The following KAZN variants were observed in gnomAD, a reference collection of about 807,000 sequenced individuals.
The protein encoded by KAZN is kazrin.
KAZN carries 40 observed loss-of-function variants against 87.4 expected under a neutral mutation model. That is an observed-to-expected ratio of 0.46 (90% CI 0.36 to 0.60). The LOEUF is 0.60. Ranked by LOEUF, KAZN falls within the 20% of genes least tolerant of loss-of-function variation. The pLI, the probability that KAZN is intolerant of heterozygous loss-of-function variation, is 0.00. For missense variants in KAZN, 898 were observed against 1,073.9 expected, an observed-to-expected ratio of 0.84 and a Z score of 2.29; for synonymous variants, 466 against 458.3, an observed-to-expected ratio of 1.02 and a Z score of -0.22.
intron 1 of KAZN, among the ~76,000 whole-genome samples, chr1:14,764,162 C>A (rs1341299881): frequency 1.3e-5 from 2 of 152,068 alleles, no homozygotes; most frequent in Admixed American, 6.6e-5. Context: ...CTGGGAAAGA[C>A]CGGCAGGAGG....
At chr1:14,624,540 T>A (rs960965636) in intron 1 of KAZN, among the ~76,000 whole-genome samples, 7 of 152,242 alleles carry the variant, frequency 4.6e-5, no homozygotes, top group African/African-American at 1.4e-4. Context: ...TGCAGAAATA[T>A]TTAGGTGTGT....
In KAZN at chr1:14,366,697, A is replaced by C. The variant is rs111981217; in HGVS notation, c.249+186105A>C. On this transcript the variant is annotated intron_variant, in intron 2 of 16. Coordinates refer to the KAZN transcript ENST00000636203. ...GTGCCCACCATCAATGAAGCCCCAG[A>C]AGGCATGTGTTACAGTGCTCTTTGA... Among the ~76,000 whole-genome samples the C allele has an allele frequency of 8.1e-3, 1,233 of 152,332 alleles. 17 individuals carry two copies. Among genetic ancestry groups the C allele is most frequent in the African/African-American group, 0.026 (1,100 of 41,578 alleles).
chr1:13,912,849 G>A (rs1453642953), intron 1 of KAZN, among the ~76,000 whole-genome samples: 1 of 152,092 alleles, frequency 6.6e-6, no homozygotes, highest in African/African-American at 2.4e-5. Context: ...ACCTACCTTG[G>A]CCTCCCAAAG....
chr1:14,827,679 C>T (rs929044811), intron 1 of KAZN, among the ~76,000 whole-genome samples: 15 of 152,194 alleles, frequency 9.9e-5, no homozygotes, highest in Non-Finnish European at 1.3e-4. Flanking sequence ...GGTAAGCAGC[C>T]GCCACTGGCC....
intron 1 of KAZN, among the ~76,000 whole-genome samples, chr1:14,870,261 C>G (rs1001323172): frequency 6.6e-6 from 1 of 152,190 alleles, no homozygotes; most frequent in African/African-American, 2.4e-5. Context: ...AAGGGTGAGT[C>G]CCAGCTCTGC....
rs575958840 is a variant in KAZN at position 15,082,780 on chromosome 1, C to T, written c.1223-11400C>T. Among the ~76,000 whole-genome samples the T allele has an allele frequency of 2.2e-4, 34 of 152,336 alleles. 1 individual carries two copies. In the South Asian group the frequency reaches 3.9e-3, roughly 18 times the overall value. On this transcript the variant is annotated intron_variant, in intron 8 of 14. Transcript: ENST00000376030. Reference sequence around the variant, plus strand: ...TGATCTCGACTCACTGCAACTTCCACCTCCCAGGTTCAAGCGATTCTCATG... The same window carrying T: ...TGATCTCGACTCACTGCAACTTCCATCTCCCAGGTTCAAGCGATTCTCATG...
chr1:14,068,799 C>CTT (rs5772562), intron 1 of KAZN, among the ~76,000 whole-genome samples: 9 of 136,782 alleles, frequency 6.6e-5, no homozygotes, highest in Non-Finnish European at 1.1e-4. Flanking sequence ...GTTGAGTTCT[C>CTT]TTTTTTTTTT....
chr1:14,272,655 A>G (rs185799692), intron 2 of KAZN, among the ~76,000 whole-genome samples: 120 of 152,042 alleles, frequency 7.9e-4, no homozygotes, highest in African/African-American at 2.8e-3. Context: ...TCAGGAGTTC[A>G]AGACCAGCCT....
At chr1:14,932,143 C>T (rs1179818191) in intron 1 of KAZN, among the ~76,000 whole-genome samples, 1 of 152,198 alleles carries the variant, frequency 6.6e-6, no homozygotes, top group Non-Finnish European at 1.5e-5. Flanking sequence ...AGGCGCTGGG[C>T]AGGGTGCTAA....
At chr1:15,097,377 T>C (rs112070469) in intron 10 of KAZN, among the ~76,000 whole-genome samples, 10 of 152,206 alleles carry the variant, frequency 6.6e-5, no homozygotes, top group Admixed American at 6.5e-4. Flanking sequence ...ATGGGCATGA[T>C]GGCGTCCTCT....
At chr1:14,464,486 A>G (rs1358063148) in intron 2 of KAZN, among the ~76,000 whole-genome samples, 1 of 152,048 alleles carries the variant, frequency 6.6e-6, no homozygotes, top group Non-Finnish European at 1.5e-5. Context: ...CTGCTTAGTT[A>G]GCACTTATTG....
At chr1:15,067,578 C>T (rs1013183004) in intron 8 of KAZN, 1 of 985,464 alleles carries the variant, frequency 1.0e-6, no homozygotes, top group Non-Finnish European at 1.2e-6. Context: ...CTAACGGTGA[C>T]ATTTTCAGCT....
intron 13 of KAZN, 61 bp downstream of exon 13, chr1:15,104,250 G>A: frequency 6.9e-7 from 1 of 1,452,180 alleles, no homozygotes; most frequent in East Asian, 2.5e-5. Flanking sequence ...TCAGGGCTTT[G>A]GAAGCAGATG....
At chr1:14,654,203 C>T (rs1232936489) in intron 1 of KAZN, among the ~76,000 whole-genome samples, 2 of 149,182 alleles carry the variant, frequency 1.3e-5, no homozygotes, top group East Asian at 4.0e-4. Flanking sequence ...AGAAAAATCG[C>T]TTGAATCCAG....
At chr1:14,198,756 A>G (rs1263880438) in intron 2 of KAZN, among the ~76,000 whole-genome samples, 1 of 152,226 alleles carries the variant, frequency 6.6e-6, no homozygotes, top group Non-Finnish European at 1.5e-5. Flanking sequence ...GCACTAGTAT[A>G]ACCACTGTAC....
chr1:14,762,146 G>A (rs1237502698), intron 1 of KAZN, among the ~76,000 whole-genome samples: 2 of 152,144 alleles, frequency 1.3e-5, no homozygotes, highest in African/African-American at 2.4e-5. Flanking sequence ...CTTTTATTAT[G>A]TCATACTTGA....
chr1:14,420,903 ACACCTCCCCT>A (rs1349223612), intron 2 of KAZN, among the ~76,000 whole-genome samples: 1,714 of 149,260 alleles, frequency 0.011, 22 homozygotes, highest in Non-Finnish European at 0.02. Flanking sequence ...CCTCCCCTCC[ACACCTCCCCT>A]CCACACCTCC....
chr1:14,627,549 T>G (rs932044171), intron 1 of KAZN, among the ~76,000 whole-genome samples: 1 of 152,198 alleles, frequency 6.6e-6, no homozygotes, highest in Non-Finnish European at 1.5e-5. Context: ...TCTGCTTTCT[T>G]CCTGCTGCGC....
At position 14,773,611 on chromosome 1, in the gene KAZN, G is replaced by A. The variant is rs1645083163; in HGVS notation, c.226+174388G>A. Among the ~76,000 whole-genome samples, 1 of 152,184 alleles carries A rather than the reference G, an allele frequency of 6.6e-6. No homozygotes were observed. Among genetic ancestry groups the A allele is most frequent in the South Asian group, 2.1e-4 (1 of 4,830 alleles). On this transcript the variant is annotated intron_variant, in intron 1 of 14. Coordinates refer to ENST00000376030, the MANE Select transcript of KAZN (RefSeq NM_201628.3). The surrounding 1 kb of genome is among the most constrained non-coding windows in gnomAD (Gnocchi z 5.9). ...AGAGCCATAGGGAGTTGGAAATGAG[G>A]TCAGGCACCCGCCACCCGGTTCTCC...
Sources: allele counts gnomAD v4.1 joint callset (sites outside exome capture counted in the v4.1 genomes callset), GRCh38; gene constraint gnomAD v4.1.1; non-coding constraint Gnocchi (gnomAD v3.1); transcripts MANE v1.5; gene names NCBI Gene and HGNC (gene_info 2026-07-23, HGNC 2026-07-21).